The following LAMA1 variants were observed in gnomAD, a reference collection of about 807,000 sequenced individuals.
LAMA1 encodes laminin subunit alpha-1.
In LAMA1, 219 loss-of-function variants were observed where a neutral mutation model predicts 348.7. The ratio of observed to expected loss-of-function variants is 0.63; its 90% confidence interval spans 0.56 to 0.70. The LOEUF (loss-of-function observed/expected upper bound fraction) is 0.70. Ranked by LOEUF, LAMA1 falls within the 30% of genes least tolerant of loss-of-function variation. The pLI, the probability that LAMA1 is intolerant of heterozygous loss-of-function variation, is 0.00. For missense variants in LAMA1, 3,744 were observed against 3,888.0 expected (o/e 0.96, Z 0.99); for synonymous variants, 1,487 against 1,491.0 (o/e 1.00, Z 0.06).
At chr18:7,086,056 T>C (rs1017773104) in intron 1 of LAMA1, among the ~76,000 whole-genome samples, 1 of 152,168 alleles carries the variant, frequency 6.6e-6, no homozygotes, top group African/African-American at 2.4e-5. Flanking sequence ...CACATATGCG[T>C]CAGAAAAAGC....
intron 17 of LAMA1, among the ~76,000 whole-genome samples, chr18:7,024,685 C>G (rs1016736392): frequency 1.3e-5 from 2 of 152,194 alleles, no homozygotes. Flanking sequence ...TCACTCCTCA[C>G]TCCCTGCTCC....
In LAMA1 at chr18:7,062,452, G is replaced by A. The variant is rs2058106138; in HGVS notation, c.346-11516C>T. 3.3e-5 allele frequency among the ~76,000 whole-genome samples: 5 copies of A among 152,262 alleles called. No homozygotes were observed. In the South Asian group the frequency reaches 6.2e-4, roughly 19 times the overall value. On this transcript the variant is annotated intron_variant, in intron 3 of 62. Coordinates refer to ENST00000389658, the MANE Select transcript of LAMA1 (RefSeq NM_005559.4). Reference sequence around the variant, plus strand: ...CCTGGCCAGGGCTGTCGGCCATCACGCAGATGTTTGTGCACCGTGGTTAAA... The same window carrying A: ...CCTGGCCAGGGCTGTCGGCCATCACACAGATGTTTGTGCACCGTGGTTAAA...
rs547004190 is a variant in LAMA1 at position 7,082,337 on chromosome 18, A to G, written c.62-1880T>C. 2.8e-3 allele frequency among the ~76,000 whole-genome samples: 421 copies of G among 152,290 alleles called. 7 individuals carry two copies. Among genetic ancestry groups the G allele is most frequent in the South Asian group, 0.025 (122 of 4,826 alleles). On this transcript the variant is annotated intron_variant, in intron 1 of 62. Coordinates refer to ENST00000389658, the MANE Select transcript of LAMA1 (RefSeq NM_005559.4). ...TTTTAACTTAAAGATGCTTATTTTT[A>G]TCATATCCCTGTAAAGGGACTTCGT...
intron 48 of LAMA1, among the ~76,000 whole-genome samples, chr18:6,970,949 A>C (rs1356755047): frequency 1.3e-5 from 2 of 152,194 alleles, no homozygotes; most frequent in East Asian, 3.9e-4. Flanking sequence ...GAAGGGGAAA[A>C]GAGAAGGCTT....
At chr18:7,093,414 A>C (rs2058247925) in intron 1 of LAMA1, among the ~76,000 whole-genome samples, 1 of 151,124 alleles carries the variant, frequency 6.6e-6, no homozygotes, top group Non-Finnish European at 1.5e-5. Flanking sequence ...AGACTCGGTC[A>C]AAAAAAAAGG....
At chr18:7,050,630 T>C in intron 4 of LAMA1, 64 bp downstream of exon 4, 3 of 1,610,538 alleles carry the variant, frequency 1.9e-6, no homozygotes. Flanking sequence ...AGATCAATTT[T>C]GAGTCTGAGA....
chr18:6,971,023 G>A (rs1235312508), intron 48 of LAMA1, among the ~76,000 whole-genome samples: 1 of 152,206 alleles, frequency 6.6e-6, no homozygotes, highest in Non-Finnish European at 1.5e-5. Context: ...TGTGCTGTGA[G>A]TTGCTTTAAC....
chr18:7,098,640 C>A (rs2058274746), intron 1 of LAMA1, among the ~76,000 whole-genome samples: 1 of 146,710 alleles, frequency 6.8e-6, no homozygotes, highest in African/African-American at 2.6e-5. Context: ...AAGTGAGGAG[C>A]CTCTCCGACC....
intron 3 of LAMA1, among the ~76,000 whole-genome samples, chr18:7,075,935 T>TA (rs34722026): frequency 1.8e-3 from 267 of 145,308 alleles, no homozygotes; most frequent in Non-Finnish European, 2.5e-3. Context: ...AGGCTCCATT[T>TA]AAAAAAAAAA....
Position 7,012,126 on chromosome 18 carries a change from C to G in LAMA1, c.3376G>C (p.Gly1126Arg). The change falls in exon 24 of 63, where the codon GGT (glycine) becomes CGT (arginine). Residue 1126 changes from glycine (G) to arginine (R), a missense_variant. By Grantham distance (125) the Gly-to-Arg change is moderately radical. Coordinates refer to ENST00000389658, the MANE Select transcript of LAMA1 (RefSeq NM_005559.4). ...TCTCGACATTCGTTGCACTGAGGAC[C>G]AAAGACATTTTCCTACAGGGGAGCA... ...GACPCKENVF[G>R]PQCNECREGT... 1 of 1,613,880 alleles carries G rather than the reference C, an allele frequency of 6.2e-7. No homozygotes were observed. The highest frequency in any genetic ancestry group is 8.5e-7 in the Non-Finnish European group (1 of 1,179,934).
chr18:6,995,044 A>T (rs1171160255), intron 34 of LAMA1, among the ~76,000 whole-genome samples: 1 of 152,170 alleles, frequency 6.6e-6, no homozygotes, highest in Admixed American at 6.5e-5. Flanking sequence ...GAAGGAAGAA[A>T]CCTCAGCAAT....
At chr18:7,030,766 G>C (rs892699536) in intron 16 of LAMA1, among the ~76,000 whole-genome samples, 4 of 152,114 alleles carry the variant, frequency 2.6e-5, no homozygotes, top group Non-Finnish European at 5.9e-5. Flanking sequence ...ATGGAAGCAT[G>C]AGAAATCTAC....
chr18:7,014,794 A>G lies in LAMA1; in HGVS notation c.3127-743T>C, dbSNP rs148277748. ...TTATTACTTTCTCTTGGAAGATAGTATACATTGCACAATATTTATTAAAGG... is the reference window on the plus strand; with the variant it reads ...TTATTACTTTCTCTTGGAAGATAGTGTACATTGCACAATATTTATTAAAGG... On this transcript the variant is annotated intron_variant, in intron 22 of 62. Transcript: ENST00000389658. Among the ~76,000 whole-genome samples the G allele has an allele frequency of 4.5e-3, 683 of 152,312 alleles. 8 individuals carry two copies. The highest frequency in any genetic ancestry group is 0.015 in the Admixed American group (224 of 15,300).
rs781594525 is a variant in LAMA1, at chr18:6,985,509, TGC to T, written c.5496+16_5496+17del. The T allele has an allele frequency of 6.2e-7, 1 of 1,609,902 alleles. No homozygotes were observed. The highest frequency in any genetic ancestry group is 8.5e-7 in the Non-Finnish European group (1 of 1,176,166). ...TTCTTTAAAAACTGTACTGTGGCTG[TGC>T]TGAGATGTAATTTACCTCTAGAGCA... On this transcript the variant is annotated intron_variant, in intron 38 of 62. Transcript: ENST00000389658.
chr18:7,116,835 TTC>T (rs370518469), intron 1 of LAMA1, among the ~76,000 whole-genome samples: 68 of 150,548 alleles, frequency 4.5e-4, no homozygotes, highest in East Asian at 4.1e-3. Context: ...TCTTTCTTTC[TTC>T]TCTCTCTCTC....
At chr18:6,959,596 GT>G (rs1249133856) in intron 53 of LAMA1, 104 bp from the exon 54 acceptor site, 233 of 1,171,926 alleles carry the variant, frequency 2.0e-4, no homozygotes, top group East Asian at 1.0e-3. Flanking sequence ...CATCAAGTGA[GT>G]AGAGCAATTC....
At chr18:7,073,458 T>A (rs1278559771) in intron 3 of LAMA1, among the ~76,000 whole-genome samples, 4 of 152,168 alleles carry the variant, frequency 2.6e-5, no homozygotes, top group Non-Finnish European at 5.9e-5. Flanking sequence ...CCACTTTCTG[T>A]CTCTATGAAC....
intron 49 of LAMA1, 160 bp downstream of exon 49, chr18:6,965,983 ATTGT>A: frequency 5.5e-6 from 4 of 724,196 alleles, no homozygotes; most frequent in Non-Finnish European, 9.0e-6. Context: ...AAATGAGGAA[ATTGT>A]TTAGCACACA....
At chr18:7,022,238 G>A (rs926231324) in intron 19 of LAMA1, among the ~76,000 whole-genome samples, 81 of 152,268 alleles carry the variant, frequency 5.3e-4, no homozygotes, top group African/African-American at 1.9e-3. Context: ...AATAAACAAT[G>A]AATGAACGGA....
Sources: gnomAD v4.1 joint callset for allele counts (sites outside exome capture counted in the v4.1 genomes callset) on GRCh38, gnomAD v4.1.1 for gene constraint, MANE v1.5 for transcripts, NCBI Gene and HGNC (gene_info 2026-07-23, HGNC 2026-07-21) for gene names.